Variants in CERS3 observed in about 807,000 individuals in gnomAD.
CERS3 encodes the protein ceramide synthase 3.
A neutral mutation model predicts 50.3 loss-of-function variants in CERS3; 33 were observed. That is an observed-to-expected ratio of 0.66 (90% CI 0.50 to 0.88). CERS3 has a LOEUF of 0.88. Ranked by LOEUF, CERS3 falls within the 40% of genes least tolerant of loss-of-function variation. The pLI, the probability that CERS3 is intolerant of heterozygous loss-of-function variation, is 0.00. For synonymous variants in CERS3, 176 were observed against 155.2 expected, an observed-to-expected ratio of 1.13 and a Z score of -0.99; for missense variants, 470 against 460.3, an observed-to-expected ratio of 1.02 and a Z score of -0.19.
chr15:100,450,113 C>T (rs1017108770), intron 11 of CERS3, among the ~76,000 whole-genome samples: 2 of 152,010 alleles, frequency 1.3e-5, no homozygotes, highest in African/African-American at 4.8e-5. Context: ...AAAATACTTT[C>T]AAATGCTTTA....
chr15:100,434,245 T>G (rs994988387), intron 11 of CERS3, among the ~76,000 whole-genome samples: 4 of 152,224 alleles, frequency 2.6e-5, no homozygotes, highest in South Asian at 4.1e-4. Context: ...GGCATCCAGG[T>G]CATTGGCCAT....
chr15:100,412,878 C>T (rs576733087), intron 11 of CERS3, among the ~76,000 whole-genome samples: 41 of 152,264 alleles, frequency 2.7e-4, no homozygotes, highest in East Asian at 1.9e-4. Flanking sequence ...GTTAGACAGA[C>T]TCCGGAGAGT....
chr15:100,508,964 C>T (rs1245028389), intron 2 of CERS3, among the ~76,000 whole-genome samples: 1 of 152,028 alleles, frequency 6.6e-6, no homozygotes, highest in East Asian at 1.9e-4. Context: ...GAAATATTTG[C>T]AAGAAAAATG....
intron 1 of CERS3, chr15:100,544,462 C>CTCTCGGCCTTGACT (rs2037304644): frequency 7.0e-6 from 1 of 142,700 alleles, no homozygotes; most frequent in Non-Finnish European, 1.6e-5. Flanking sequence ...CGGCCTAGGT[C>CTCTCGGCCTTGACT]TGCGCGGGGA....
rs556089739 is a variant in CERS3 at position 100,419,818 on chromosome 15, G to A, written c.1000-16953C>T. Among the ~76,000 whole-genome samples the A allele has an allele frequency of 3.4e-3, 485 of 142,440 alleles. 1 individual carries two copies. Among genetic ancestry groups the A allele is most frequent in the Non-Finnish European group, 6.1e-3 (396 of 64,858 alleles). 93.4% of individuals were successfully genotyped at this position (142,440 alleles called of 152,430 possible). ...CAACTACATGGAAACTGAACAACCT[G>A]CTCCTGAATGACTACTGGGTACATA... On this transcript the variant is annotated intron_variant, in intron 11 of 11. Coordinates refer to ENST00000679737, the MANE Select transcript of CERS3 (RefSeq NM_001378789.1).
At chr15:100,453,282 C>T (rs1296323561) in intron 11 of CERS3, among the ~76,000 whole-genome samples, 1 of 152,112 alleles carries the variant, frequency 6.6e-6, no homozygotes, top group Non-Finnish European at 1.5e-5. Context: ...TCCAACATTA[C>T]ATCAAAAAGA....
Position 100,400,985 on chromosome 15 carries a change from ATTG to A in CERS3, c.*1725_*1727del, listed in dbSNP as rs1475890887. 6.6e-6 allele frequency: 1 copy of A among 152,178 alleles called. No individual in the cohort carries two copies. Among genetic ancestry groups the A allele is most frequent in the Non-Finnish European group, 1.5e-5 (1 of 68,032 alleles). 9.4% of individuals were successfully genotyped at this position (152,178 alleles called of 1,614,324 possible). A position where few individuals can be genotyped will look rare whatever the true frequency, so the allele number is the denominator to read the frequency against. The stretch of plus-strand genomic sequence containing the variant: ...TTGTAACAATTTCTCAGAAAGAGAT[ATTG>A]TTGTGGAAAGAATTCTAAAGGATTT... On this transcript the variant is annotated 3_prime_UTR_variant, in exon 12 of 12. Coordinates refer to ENST00000679737, the MANE Select transcript of CERS3 (RefSeq NM_001378789.1).
At chr15:100,531,873 C>T (rs1207037705), upstream of CERS3, among the ~76,000 whole-genome samples, 1 of 152,176 alleles carries the variant, frequency 6.6e-6, no homozygotes, top group African/African-American at 2.4e-5. Flanking sequence ...AAGTGAACGT[C>T]GGACCTCTGA....
Position 100,506,475 on chromosome 15 carries a change from C to CCA in CERS3, c.-1-4627_-1-4626dup, listed in dbSNP as rs1278008869. 3.2e-4 allele frequency among the ~76,000 whole-genome samples: 36 copies of CCA among 114,192 alleles called. No homozygotes were observed. The East Asian group carries it at 5.0e-3, about 16-fold the overall frequency. 74.9% of individuals were successfully genotyped at this position (114,192 alleles called of 152,430 possible). On this transcript the variant is annotated intron_variant, in intron 2 of 11. Coordinates refer to ENST00000679737, the MANE Select transcript of CERS3 (RefSeq NM_001378789.1). ...AAGAAATCGGGACCCCCCCGCCGCC[C>CCA]CACACACACACACACCAGACATTGT...
intron 11 of CERS3, among the ~76,000 whole-genome samples, chr15:100,407,894 G>A (rs947039011): frequency 4.0e-5 from 6 of 151,884 alleles, no homozygotes; most frequent in Non-Finnish European, 7.4e-5. Context: ...ATTTTGAGAC[G>A]GAGTTTTGTT....
In CERS3 at chr15:100,534,562, G is replaced by A. The variant is rs142059488; in HGVS notation, c.-354-5487C>T. ...GAAAAGAAACTGGAAATCGCTTAGG[G>A]CAAACCTGCCTCCCATTCTATTCAA... On this transcript the variant is annotated intron_variant, in intron 1 of 12. Transcript: ENST00000284382. Among the ~76,000 whole-genome samples the A allele has an allele frequency of 6.6e-5, 10 of 151,122 alleles. No individual in the cohort carries two copies. The East Asian group carries it at 2.0e-3, about 30-fold the overall frequency.
intron 11 of CERS3, among the ~76,000 whole-genome samples, chr15:100,404,882 T>C (rs1054151097): frequency 1.3e-5 from 2 of 152,186 alleles, no homozygotes; most frequent in African/African-American, 2.4e-5. Flanking sequence ...AAGAACAGTC[T>C]TTTCAACAAA....
intron 9 of CERS3, among the ~76,000 whole-genome samples, chr15:100,469,741 A>G (rs1489245687): frequency 1.3e-5 from 2 of 152,346 alleles, no homozygotes; most frequent in Admixed American, 1.3e-4. Context: ...TTAGAAATAT[A>G]TTTAAATGCC....
intron 11 of CERS3, among the ~76,000 whole-genome samples, chr15:100,442,943 G>A (rs905947110): frequency 7.7e-4 from 113 of 147,286 alleles, no homozygotes; most frequent in South Asian, 2.9e-3. Flanking sequence ...GGGTATTGAC[G>A]GCCAGGCTTC....
chr15:100,416,211 C>T lies in CERS3; in HGVS notation c.1000-13346G>A, dbSNP rs549880384. 3.9e-5 allele frequency among the ~76,000 whole-genome samples: 6 copies of T among 152,294 alleles called. No individual in the cohort carries two copies. The South Asian group carries it at 1.2e-3, about 32-fold the overall frequency. ...TAAGCAAAATGAACAAAGCCAGAGG[C>T]ATCACACTTCCTGAGTTCAAACTAC... is the stretch of plus-strand genomic sequence containing the variant. On this transcript the variant is annotated intron_variant, in intron 11 of 11. Coordinates refer to ENST00000679737, the MANE Select transcript of CERS3 (RefSeq NM_001378789.1).
intron 11 of CERS3, among the ~76,000 whole-genome samples, chr15:100,412,515 T>C (rs1434152918): frequency 6.6e-6 from 1 of 152,182 alleles, no homozygotes; most frequent in Non-Finnish European, 1.5e-5. Flanking sequence ...CTTTTTCAAA[T>C]TTATAAGGGG....
intron 11 of CERS3, among the ~76,000 whole-genome samples, chr15:100,426,496 T>G (rs2032819315): frequency 6.6e-6 from 1 of 152,196 alleles, no homozygotes. Context: ...AGTGGCCATC[T>G]CTGCAGGGAA....
chr15:100,543,280 T>C (rs185322285), intron 1 of CERS3, among the ~76,000 whole-genome samples: 165 of 152,330 alleles, frequency 1.1e-3, no homozygotes, highest in African/African-American at 3.6e-3. Flanking sequence ...GGTTCTCTGT[T>C]GGTTAATGCA....
intron 11 of CERS3, among the ~76,000 whole-genome samples, chr15:100,448,564 C>G (rs960086767): frequency 1.3e-5 from 2 of 152,174 alleles, no homozygotes; most frequent in African/African-American, 4.8e-5. Context: ...CATACGAGGT[C>G]CCACATACCC....
Sources: gnomAD v4.1 joint callset for allele counts (sites outside exome capture counted in the v4.1 genomes callset) on GRCh38, gnomAD v4.1.1 for gene constraint, MANE v1.5 for transcripts, NCBI Gene and HGNC (gene_info 2026-07-23, HGNC 2026-07-21) for gene names.